CATSPERZ: variants seen among roughly 807,000 people sequenced by gnomAD.
The protein encoded by CATSPERZ is cation channel sperm-associated auxiliary subunit zeta.
In CATSPERZ, 21 loss-of-function variants were observed where a neutral mutation model predicts 21.7. The ratio of observed to expected loss-of-function variants is 0.97; its 90% CI spans 0.69 to 1.39. CATSPERZ has a LOEUF of 1.39. Among genes scored for constraint, CATSPERZ ranks in the 40% most tolerant of loss-of-function variants. The pLI is 0.00. For synonymous variants in CATSPERZ, 127 were observed against 108.7 expected (o/e 1.17, Z -1.05); for missense variants, 234 against 259.5 (o/e 0.90, Z 0.68).
chr11:64,301,575 T>C (rs1269655056), intron 2 of CATSPERZ, among the ~76,000 whole-genome samples: 2 of 152,054 alleles, frequency 1.3e-5, no homozygotes, highest in Non-Finnish European at 2.9e-5. Context: ...AGTTTCACCA[T>C]GTTGGCCAGG....
chr11:64,303,325 C>T (rs1324163784), intron 2 of CATSPERZ, among the ~76,000 whole-genome samples, 157 bp from the exon 3 acceptor site: 1 of 152,162 alleles, frequency 6.6e-6, no homozygotes, highest in African/African-American at 2.4e-5. Context: ...GGCTCTAAAG[C>T]CCAGGGTTGT....
chr11:64,303,787 G>A lies in CATSPERZ; in HGVS notation c.447G>A (p.Leu149=), dbSNP rs2034968261. The A allele has an allele frequency of 1.2e-6, 2 of 1,600,964 alleles. No homozygotes were observed. The highest frequency in any genetic ancestry group is 1.7e-5 in the Admixed American group (1 of 58,072). Residue 149 remains leucine, a synonymous_variant, in exon 4 of 5, where the codon CTG becomes CTA. Coordinates refer to ENST00000328404, the MANE Select transcript of CATSPERZ (RefSeq NM_001039496.2). ...TGCTTCTCCAGCTGCCACTGCCCCT[G>A]ATGGAACTCATGGAGAATGAAGCTC... ...AEQQSRLPLP[L]MELMENEALE...
At chr11:64,301,285 G>GTTTGT (rs1229550853) in intron 2 of CATSPERZ, among the ~76,000 whole-genome samples, 7 of 151,944 alleles carry the variant, frequency 4.6e-5, no homozygotes, top group Admixed American at 1.3e-4. Context: ...TTTTTGTTTT[G>GTTTGT]TTTGTTTTGT....
At chr11:64,301,085 T>C in intron 2 of CATSPERZ, 98 bp downstream of exon 2, 2 of 1,181,844 alleles carry the variant, frequency 1.7e-6, no homozygotes, top group Non-Finnish European at 2.3e-6. Context: ...GCTGATGGGA[T>C]CCAAGTTTCT....
At chr11:64,301,804 G>C (rs1347948281) in intron 2 of CATSPERZ, among the ~76,000 whole-genome samples, 2 of 151,986 alleles carry the variant, frequency 1.3e-5, no homozygotes, top group African/African-American at 4.8e-5. Flanking sequence ...ACCACCCCGA[G>C]CTGGGAGGAC....
In CATSPERZ at chr11:64,303,476, T is replaced by C; in HGVS notation, c.353-6T>C. The C allele has an allele frequency of 6.2e-7, 1 of 1,611,370 alleles. No homozygotes were observed. The highest frequency in any genetic ancestry group is 8.5e-7 in the Non-Finnish European group (1 of 1,178,650). On this transcript the variant is annotated splice_polypyrimidine_tract_variant and splice_region_variant and intron_variant, in intron 2 of 4. Coordinates refer to ENST00000328404, the MANE Select transcript of CATSPERZ (RefSeq NM_001039496.2). ...GGATGACTAACCCTTTTTTCTCTTC[T>C]CCCAGAAAAGTCTTCCTCAATGTCA...
chr11:64,303,635 A>T, intron 3 of CATSPERZ, 74 bp downstream of exon 3: 1 of 1,473,936 alleles, frequency 6.8e-7, no homozygotes, highest in Non-Finnish European at 9.2e-7. Flanking sequence ...TAGGATATGA[A>T]AGTTGGGGGT....
intron 2 of CATSPERZ, among the ~76,000 whole-genome samples, chr11:64,301,949 G>C (rs968190711): frequency 6.6e-6 from 1 of 152,196 alleles, no homozygotes; most frequent in Non-Finnish European, 1.5e-5. Flanking sequence ...GGGATTACAA[G>C]TGTGAGCCAC....
rs768955786 is a variant in CATSPERZ, at chr11:64,301,037, C to T, written c.352+50C>T. 2.8e-6 allele frequency: 4 copies of T among 1,430,038 alleles called. No homozygotes were observed. The East Asian group carries it at 1.0e-4, about 36-fold the overall frequency. 88.6% of individuals were successfully genotyped at this position (1,430,038 alleles called of 1,614,324 possible). A position where few individuals can be genotyped will look rare whatever the true frequency, so the allele number is the denominator to read the frequency against. ...GGGCACCCGCAGGGCAATAAGCTGG[C>T]CAGGGACTCAATTTCTGGAGCTGTA... On this transcript the variant is annotated intron_variant, in intron 2 of 4. Transcript: ENST00000328404.
Position 64,303,500 on chromosome 11 carries a change from C to T in CATSPERZ, c.371C>T (p.Ser124Leu). ...QIEAEKSSSM[S>L]SLNIAKHMPH... ...CTCCCAGAAAAGTCTTCCTCAATGT[C>T]ATCACTCAATATTGCGAAGCACATG... The change falls in exon 3 of 5, where the codon TCA (serine) becomes TTA (leucine). Residue 124 changes from serine (S) to leucine (L), a missense_variant. Transcript: ENST00000328404. 1.2e-5 allele frequency: 19 copies of T among 1,613,194 alleles called. No homozygotes were observed. Among genetic ancestry groups the T allele is most frequent in the Non-Finnish European group, 1.6e-5 (19 of 1,179,584 alleles).
intron 4 of CATSPERZ, 106 bp from the exon 5 acceptor site, chr11:64,304,437 C>A (rs1056456816): frequency 2.5e-6 from 2 of 808,174 alleles, no homozygotes; most frequent in Middle Eastern, 7.2e-4. Context: ...TGCGCTACTG[C>A]TACCTCGAAT....
At chr11:64,304,044 C>CAG (rs2034974290) in intron 4 of CATSPERZ, among the ~76,000 whole-genome samples, 1 of 152,164 alleles carries the variant, frequency 6.6e-6, no homozygotes, top group Non-Finnish European at 1.5e-5. Flanking sequence ...TGGTGATGGG[C>CAG]AGAGGCCTGG....
In CATSPERZ at chr11:64,300,947, C is replaced by T. The variant is rs1342685722; in HGVS notation, c.312C>T (p.Ile104=). ...TGCACCGCGGCAGCTCCATGGAAAT[C>T]AATCTGGGGGAGAAGGACACTGCAT... ...LELHRGSSME[I]NLGEKDTASQ... The change falls in exon 2 of 5, where the codon ATC becomes ATT. Residue 104 remains isoleucine (I), a synonymous_variant. Transcript: ENST00000328404. 1 of 1,579,596 alleles carries T rather than the reference C, an allele frequency of 6.3e-7. No homozygotes were observed. Among genetic ancestry groups the T allele is most frequent in the South Asian group, 1.2e-5 (1 of 85,982 alleles).
chr11:64,303,577 G>A lies in CATSPERZ; in HGVS notation c.432+16G>A, dbSNP rs1427535000. 6.2e-7 allele frequency: 1 copy of A among 1,610,492 alleles called. No individual in the cohort carries two copies. The highest frequency in any genetic ancestry group is 2.2e-5 in the East Asian group (1 of 44,832). The stretch of plus-strand genomic sequence containing the variant: ...GCAGAGCAGGGTTGGAGGGGCTGGG[G>A]AGACTGGGCGTTTCGGTGGGGTAGG... On this transcript the variant is annotated intron_variant, in intron 3 of 4. Coordinates refer to ENST00000328404, the MANE Select transcript of CATSPERZ (RefSeq NM_001039496.2).
At chr11:64,300,471 A>C (rs749056605) in intron 1 of CATSPERZ, 40 bp downstream of exon 1, 1 of 1,563,340 alleles carries the variant, frequency 6.4e-7, no homozygotes. Context: ...GTCCGCTCCA[A>C]CCCACCCTTG....
In CATSPERZ at chr11:64,300,847, G is replaced by A. The variant is rs1453746465; in HGVS notation, c.212G>A (p.Gly71Asp). ...CGCGGGTGGCACAGCCCGGGGCGGG[G>A]CTCGTTGGACGAGGGGTACAAGGCC... ...KTRGWHSPGR[G>D]SLDEGYKASH... is the part of the protein sequence containing the mutation. Residue 71 changes from glycine (G) to aspartate (D), a missense_variant, in exon 2 of 5, where the codon GGC (glycine) becomes GAC (aspartate). Coordinates refer to ENST00000328404, the MANE Select transcript of CATSPERZ (RefSeq NM_001039496.2). The A allele has an allele frequency of 3.8e-6, 6 of 1,559,216 alleles. No homozygotes were observed. The East Asian group carries it at 1.4e-4, about 38-fold the overall frequency.
At position 64,303,800 on chromosome 11, in the gene CATSPERZ, G is replaced by C. The variant is rs117629442; in HGVS notation, c.460G>C (p.Glu154Gln). ...GCCACTGCCCCTGATGGAACTCATG[G>C]AGAATGAAGCTCTGGAAATCCTCAC... Reference protein sequence around the residue: ...RLPLPLMELMENEALEILTKA... With the variant: ...RLPLPLMELMQNEALEILTKA... Residue 154 changes from glutamate to glutamine, a missense_variant, in exon 4 of 5, where the codon GAG (glutamate) becomes CAG (glutamine). Glu to Gln is a conservative substitution (Grantham distance 29). Transcript: ENST00000328404. 0.016 allele frequency: 24,994 copies of C among 1,601,418 alleles called. 324 individuals carry two copies. Among genetic ancestry groups the C allele is most frequent in the Non-Finnish European group, 0.016 (19,035 of 1,174,212 alleles).
chr11:64,303,125 T>A (rs555497225), intron 2 of CATSPERZ, among the ~76,000 whole-genome samples: 1 of 152,148 alleles, frequency 6.6e-6, no homozygotes, highest in East Asian at 1.9e-4. Context: ...GGTCTCGAAC[T>A]CCTGACCTTG....
At chr11:64,301,592 T>G (rs1322226566) in intron 2 of CATSPERZ, among the ~76,000 whole-genome samples, 1 of 152,094 alleles carries the variant, frequency 6.6e-6, no homozygotes, top group African/African-American at 2.4e-5. Context: ...CAGGCTGGTC[T>G]CGAACTCCTG....
Sources: gnomAD v4.1 joint callset for allele counts (sites outside exome capture counted in the v4.1 genomes callset) on GRCh38, gnomAD v4.1.1 for gene constraint, MANE v1.5 for transcripts, NCBI Gene and HGNC (gene_info 2026-07-23, HGNC 2026-07-21) for gene names.